ASAP1: variants seen among roughly 807,000 people sequenced by gnomAD.
ASAP1 encodes the protein arf-GAP with SH3 domain, ANK repeat and PH domain-containing protein 1.
In ASAP1, 43 loss-of-function variants were observed where a neutral mutation model predicts 145.2. The observed-to-expected ratio is 0.30, with a 90% CI of 0.23 to 0.38. ASAP1 has a LOEUF of 0.38. ASAP1 is among the 10% of genes least tolerant of loss of function. The pLI is 1.00. For synonymous variants in ASAP1, 546 were observed against 515.5 expected, an observed-to-expected ratio of 1.06 and a Z score of -0.80; for missense variants, 1,018 against 1,355.3, an observed-to-expected ratio of 0.75 and a Z score of 3.91.
chr8:130,092,180 C>T, intron 24 of ASAP1, 37 bp from the exon 25 acceptor site: 1 of 1,547,236 alleles, frequency 6.5e-7, no homozygotes, highest in Non-Finnish European at 8.7e-7. Context: ...GAAGATTAAT[C>T]CCAGTCTCAC....
chr8:130,310,291 GA>G (rs1274545867), intron 3 of ASAP1, among the ~76,000 whole-genome samples: 2 of 152,290 alleles, frequency 1.3e-5, no homozygotes, highest in East Asian at 3.9e-4. Flanking sequence ...AGAAAATTAT[GA>G]GGAAGAAGTA....
chr8:130,125,891 A>G (rs2135722757), intron 17 of ASAP1, 65 bp downstream of exon 17: 1 of 1,504,686 alleles, frequency 6.6e-7, no homozygotes, highest in African/African-American at 1.4e-5. Flanking sequence ...AAAAAATCCA[A>G]AACAATATAT....
At chr8:130,252,733 T>C (rs747704660) in intron 3 of ASAP1, among the ~76,000 whole-genome samples, 24 of 152,186 alleles carry the variant, frequency 1.6e-4, no homozygotes, top group Non-Finnish European at 2.9e-4. Context: ...CTTGTTCATC[T>C]TGATGCAATT....
At chr8:130,393,339 C>T (rs1056670653) in intron 2 of ASAP1, among the ~76,000 whole-genome samples, 10 of 145,258 alleles carry the variant, frequency 6.9e-5, no homozygotes, top group Non-Finnish European at 1.6e-5. Flanking sequence ...GCTGAATGGG[C>T]CAGGGAAGCC....
chr8:130,319,790 C>T (rs1175597418), intron 3 of ASAP1, among the ~76,000 whole-genome samples: 1 of 152,152 alleles, frequency 6.6e-6, no homozygotes, highest in Non-Finnish European at 1.5e-5. Flanking sequence ...CAGGTACACC[C>T]ACACAACAGA....
intron 3 of ASAP1, among the ~76,000 whole-genome samples, chr8:130,338,071 T>A (rs1207209809): frequency 6.6e-6 from 1 of 152,184 alleles, no homozygotes; most frequent in Non-Finnish European, 1.5e-5. Context: ...CTAGATCACA[T>A]ATTTGGGCAC....
chr8:130,210,024 T>G (rs1256761424), intron 5 of ASAP1, among the ~76,000 whole-genome samples: 1 of 152,198 alleles, frequency 6.6e-6, no homozygotes, highest in East Asian at 1.9e-4. Flanking sequence ...TGGTTTCAGA[T>G]TCACACCGTT....
intron 24 of ASAP1, among the ~76,000 whole-genome samples, chr8:130,095,435 G>A (rs1040558641): frequency 5.3e-5 from 8 of 151,584 alleles, no homozygotes; most frequent in African/African-American, 1.9e-4. Context: ...CAAGTAGCTG[G>A]GACTACAGAT....
intron 1 of ASAP1, among the ~76,000 whole-genome samples, chr8:130,418,363 C>T (rs909584023): frequency 1.3e-5 from 2 of 152,122 alleles, no homozygotes; most frequent in Non-Finnish European, 2.9e-5. Context: ...GCCTGACCAA[C>T]ATGGTGAAAC....
intron 3 of ASAP1, among the ~76,000 whole-genome samples, chr8:130,285,071 T>C (rs560918024): frequency 6.6e-6 from 1 of 152,264 alleles, no homozygotes; most frequent in Admixed American, 6.5e-5. Flanking sequence ...TGGTTCCTTA[T>C]AATTTGAGTC....
At chr8:130,230,204 C>T (rs1586642311) in intron 4 of ASAP1, among the ~76,000 whole-genome samples, 1 of 152,080 alleles carries the variant, frequency 6.6e-6, no homozygotes, top group Non-Finnish European at 1.5e-5. Flanking sequence ...AGAAGAAGCA[C>T]ACATCATTAA....
intron 9 of ASAP1, among the ~76,000 whole-genome samples, chr8:130,173,385 G>A (rs955345644): frequency 6.6e-6 from 1 of 152,134 alleles, no homozygotes; most frequent in Non-Finnish European, 1.5e-5. Flanking sequence ...GAGCCACCAC[G>A]ACCTGCCAAA....
chr8:130,308,016 G>A (rs1823101151), intron 3 of ASAP1, among the ~76,000 whole-genome samples: 1 of 152,218 alleles, frequency 6.6e-6, no homozygotes, highest in Admixed American at 6.5e-5. Context: ...TTTAGGAAAT[G>A]CTTACATTTT....
chr8:130,107,510 T>TA (rs1375598873), intron 24 of ASAP1, among the ~76,000 whole-genome samples: 2 of 74,434 alleles, frequency 2.7e-5, no homozygotes, highest in East Asian at 7.9e-4. Flanking sequence ...TTTTTTTTTT[T>TA]AAAAAATGTA....
chr8:130,167,660 C>T, intron 10 of ASAP1, 38 bp from the exon 11 acceptor site: 2 of 1,428,268 alleles, frequency 1.4e-6, no homozygotes, highest in Non-Finnish European at 9.9e-7. Flanking sequence ...TTACCATTTA[C>T]ACTTTCACAG....
At chr8:130,258,477 C>T (rs186085902) in intron 3 of ASAP1, among the ~76,000 whole-genome samples, 28 of 152,344 alleles carry the variant, frequency 1.8e-4, no homozygotes, top group African/African-American at 6.3e-4. Flanking sequence ...TTTTAAAACA[C>T]TGAGTGTATC....
intron 3 of ASAP1, among the ~76,000 whole-genome samples, chr8:130,316,833 T>C (rs1055974880): frequency 2.0e-5 from 3 of 152,256 alleles, no homozygotes; most frequent in Admixed American, 2.0e-4. Context: ...ATTTGGGATT[T>C]TCCCCCTGTA....
intron 3 of ASAP1, among the ~76,000 whole-genome samples, chr8:130,278,934 T>C (rs910319666): frequency 2.0e-5 from 3 of 152,184 alleles, no homozygotes; most frequent in Non-Finnish European, 4.4e-5. Context: ...CCTCATCCAT[T>C]AGTTCATTCA....
chr8:130,072,826 C>CGTGCGTGCGT (rs1160417615), intron 27 of ASAP1, among the ~76,000 whole-genome samples: 5 of 13,800 alleles, frequency 3.6e-4, no homozygotes, highest in African/African-American at 9.9e-4. Flanking sequence ...TGTGTGTGTG[C>CGTGCGTGCGT]GCGCGGGGGG....
Sources: allele counts gnomAD v4.1 joint callset (sites outside exome capture counted in the v4.1 genomes callset), GRCh38; gene constraint gnomAD v4.1.1; transcripts MANE v1.5; gene names NCBI Gene and HGNC (gene_info 2026-07-23, HGNC 2026-07-21).